ZMAT4: variants seen among roughly 807,000 people sequenced by gnomAD.
ZMAT4 encodes the protein zinc finger matrin-type 4.
A neutral mutation model predicts 28.7 loss-of-function variants in ZMAT4; 17 were observed. That is an observed-to-expected ratio of 0.59 (90% confidence interval 0.41 to 0.89). The LOEUF (loss-of-function observed/expected upper bound fraction) is 0.89. Among genes scored for constraint, ZMAT4 ranks in the 40% least tolerant of loss-of-function variants. ZMAT4 has a pLI of 0.00. For missense variants in ZMAT4, 240 were observed against 283.8 expected, an observed-to-expected ratio of 0.85 and a Z score of 1.11; for synonymous variants, 117 against 109.2, an observed-to-expected ratio of 1.07 and a Z score of -0.44.
chr8:40,613,753 G>A (rs1026987989), intron 5 of ZMAT4, among the ~76,000 whole-genome samples: 1 of 152,176 alleles, frequency 6.6e-6, no homozygotes, highest in African/African-American at 2.4e-5. Context: ...CATGCCCTGA[G>A]TTTCCAGCTC....
At chr8:40,799,382 TC>T (rs912129656) in intron 2 of ZMAT4, among the ~76,000 whole-genome samples, 1 of 152,250 alleles carries the variant, frequency 6.6e-6, no homozygotes, top group Non-Finnish European at 1.5e-5. Context: ...TCTCACTCTT[TC>T]CCTTTCCGTT....
chr8:40,648,817 C>A (rs1464262609), intron 5 of ZMAT4, among the ~76,000 whole-genome samples: 5 of 119,866 alleles, frequency 4.2e-5, no homozygotes, highest in African/African-American at 1.5e-4. Context: ...TCATATCCAG[C>A]CAAACTAAGC....
intron 3 of ZMAT4, among the ~76,000 whole-genome samples, chr8:40,757,077 C>A (rs1046360960): frequency 9.2e-5 from 14 of 152,036 alleles, no homozygotes; most frequent in Admixed American, 5.2e-4. Flanking sequence ...ACAGTGAAAT[C>A]GACAACAAAA....
At chr8:40,569,140 G>A (rs1334859015) in intron 6 of ZMAT4, among the ~76,000 whole-genome samples, 1 of 152,108 alleles carries the variant, frequency 6.6e-6, no homozygotes, top group Non-Finnish European at 1.5e-5. Flanking sequence ...GCTACAAAAT[G>A]AAAATCCCAG....
chr8:40,726,874 G>A (rs904842122), intron 3 of ZMAT4, among the ~76,000 whole-genome samples: 1 of 152,122 alleles, frequency 6.6e-6, no homozygotes, highest in Non-Finnish European at 1.5e-5. Context: ...AATGCGTTCC[G>A]CTTCTTAGAG....
chr8:40,718,307 A>G (rs899450824), intron 3 of ZMAT4, among the ~76,000 whole-genome samples: 2 of 152,244 alleles, frequency 1.3e-5, no homozygotes, highest in African/African-American at 4.8e-5. Context: ...AGCTCTACTC[A>G]GACCCCAGCA....
intron 5 of ZMAT4, among the ~76,000 whole-genome samples, chr8:40,635,482 ACT>A (rs1187949758): frequency 6.6e-6 from 1 of 151,994 alleles, no homozygotes; most frequent in East Asian, 1.9e-4. Context: ...ACGCAGATAC[ACT>A]CTCACACACA....
chr8:40,700,411 C>CTTTTT (rs1353453005), intron 3 of ZMAT4, among the ~76,000 whole-genome samples: 9 of 97,282 alleles, frequency 9.3e-5, no homozygotes, highest in African/African-American at 4.0e-4. Flanking sequence ...TGCTGCTTTT[C>CTTTTT]TTTTTTTTTT....
chr8:40,599,348 G>A (rs1805215140), intron 5 of ZMAT4, among the ~76,000 whole-genome samples: 1 of 152,060 alleles, frequency 6.6e-6, no homozygotes, highest in Non-Finnish European at 1.5e-5. Context: ...TCACACATAT[G>A]TACACACACA....
intron 6 of ZMAT4, among the ~76,000 whole-genome samples, chr8:40,573,134 T>C (rs922107663): frequency 6.6e-6 from 1 of 152,210 alleles, no homozygotes; most frequent in Non-Finnish European, 1.5e-5. Flanking sequence ...ACTCCAGTTA[T>C]CCATGGTGGC....
rs113888376 is a variant in ZMAT4 at position 40,734,718 on chromosome 8, C to A, written c.192+32923G>T. ...AAAGTAGGAGTCACCTTACATTTAA[C>A]AGCAACTATTCCAGAACACCACCAT... On this transcript the variant is annotated intron_variant, in intron 3 of 6. Transcript: ENST00000297737. Among the ~76,000 whole-genome samples, 1,411 of 152,264 alleles carry A rather than the reference C, an allele frequency of 9.3e-3. 22 individuals carry two copies. Among genetic ancestry groups the A allele is most frequent in the African/African-American group, 0.033 (1,355 of 41,540 alleles).
chr8:40,679,736 C>T lies in ZMAT4; in HGVS notation c.350-4805G>A, dbSNP rs558328912. On this transcript the variant is annotated intron_variant, in intron 4 of 6. Coordinates refer to ENST00000297737, the MANE Select transcript of ZMAT4 (RefSeq NM_024645.3). ...GGACACAGCCAAACCATATCAGTCT[C>T]TATCAGAAAATTTCCTCATTCTGTA... is the stretch of plus-strand genomic sequence containing the variant. Among the ~76,000 whole-genome samples, 43 of 152,278 alleles carry T rather than the reference C, an allele frequency of 2.8e-4. 1 individual carries two copies. Among genetic ancestry groups the T allele is most frequent in the Admixed American group, 2.5e-3 (38 of 15,292 alleles).
chr8:40,763,256 T>C (rs956218897), intron 3 of ZMAT4, among the ~76,000 whole-genome samples: 3 of 152,222 alleles, frequency 2.0e-5, no homozygotes, highest in Non-Finnish European at 4.4e-5. Context: ...CGTTATCGTC[T>C]TACGATGGGA....
chr8:40,820,817 G>GTA (rs1563507138), intron 2 of ZMAT4, among the ~76,000 whole-genome samples: 1 of 150,596 alleles, frequency 6.6e-6, no homozygotes, highest in South Asian at 2.1e-4. Context: ...GTGGGTGTGT[G>GTA]TATGTGTATG....
intron 1 of ZMAT4, among the ~76,000 whole-genome samples, chr8:40,851,965 C>T (rs1295568923): frequency 6.6e-6 from 1 of 152,104 alleles, no homozygotes; most frequent in Non-Finnish European, 1.5e-5. Context: ...GGCAAAATCT[C>T]GGCTCACTGC....
chr8:40,560,236 T>C (rs1803691638), intron 6 of ZMAT4, among the ~76,000 whole-genome samples: 1 of 151,276 alleles, frequency 6.6e-6, no homozygotes, highest in East Asian at 1.9e-4. Flanking sequence ...CCAAGGGAAA[T>C]TGTACATTTT....
intron 5 of ZMAT4, among the ~76,000 whole-genome samples, chr8:40,584,067 A>G (rs1342779282): frequency 1.3e-5 from 2 of 152,192 alleles, no homozygotes; most frequent in African/African-American, 4.8e-5. Flanking sequence ...ATTTAGGAAG[A>G]AAATGGGAGG....
chr8:40,774,491 T>G (rs1672388281), intron 2 of ZMAT4, among the ~76,000 whole-genome samples: 1 of 152,026 alleles, frequency 6.6e-6, no homozygotes, highest in African/African-American at 2.4e-5. Context: ...CTTGTTTGAG[T>G]CAACAATCCT....
chr8:40,886,380 G>T (rs1818451686), intron 1 of ZMAT4, among the ~76,000 whole-genome samples: 1 of 152,214 alleles, frequency 6.6e-6, no homozygotes, highest in African/African-American at 2.4e-5. Context: ...GCTCCTCCAG[G>T]CCTCCAGAGT....
Sources: allele counts gnomAD v4.1 joint callset (sites outside exome capture counted in the v4.1 genomes callset), GRCh38; gene constraint gnomAD v4.1.1; transcripts MANE v1.5; gene names NCBI Gene and HGNC (gene_info 2026-07-23, HGNC 2026-07-21).